The following SYNPR variants were observed in gnomAD, a reference collection of about 807,000 sequenced individuals.
SYNPR encodes synaptoporin.
Under a neutral mutation model 32.9 loss-of-function variants are expected in SYNPR, and 23 were observed. That is an observed-to-expected ratio of 0.70 (90% CI 0.50 to 0.99). SYNPR has a LOEUF of 0.99. Among genes scored for constraint, SYNPR ranks in the 50% least tolerant of loss-of-function variants. The pLI, the probability that SYNPR is intolerant of heterozygous loss-of-function variation, is 0.00. For synonymous variants in SYNPR, 146 were observed against 135.9 expected (o/e 1.07, Z -0.52); for missense variants, 318 against 349.3 (o/e 0.91, Z 0.71).
chr3:63,356,791 T>C (rs1277020405), intron 2 of SYNPR, among the ~76,000 whole-genome samples: 1 of 152,208 alleles, frequency 6.6e-6, no homozygotes, highest in African/African-American at 2.4e-5. Flanking sequence ...TATAGGCAGC[T>C]TTAGAAATGG....
intron 3 of SYNPR, among the ~76,000 whole-genome samples, chr3:63,538,988 T>A (rs1702255694): frequency 6.6e-6 from 1 of 152,190 alleles, no homozygotes; most frequent in African/African-American, 2.4e-5. Context: ...GGAGCCTAGC[T>A]AACTATATTC....
chr3:63,452,143 C>T (rs1443764357), intron 2 of SYNPR: 1 of 701,602 alleles, frequency 1.4e-6, no homozygotes. Flanking sequence ...TTTGCTCACT[C>T]ATTCATTTGT....
Position 63,416,531 on chromosome 3 carries a change from TAAAAAA to T in SYNPR, c.85-64285_85-64280del, listed in dbSNP as rs60383627. ...TTGGTGACGGAGTGAGACTCTGTCT[TAAAAAA>T]AAAAAAAAAAAAAAACCAAAAAAAA... On this transcript the variant is annotated intron_variant, in intron 2 of 5. Coordinates refer to ENST00000478300, the MANE Select transcript of SYNPR (RefSeq NM_001130003.2). 1.6e-3 allele frequency among the ~76,000 whole-genome samples: 165 copies of T among 105,308 alleles called. 1 individual carries two copies. The East Asian group carries it at 0.035, about 22-fold the overall frequency. The allele number at this position is 105,308 out of a possible 152,430, so 69.1% of individuals were successfully genotyped here. A position where few individuals can be genotyped will look rare whatever the true frequency, so the allele number is the denominator to read the frequency against.
At chr3:63,595,729 A>AG (rs1296433085) in intron 4 of SYNPR, among the ~76,000 whole-genome samples, 5 of 24,256 alleles carry the variant, frequency 2.1e-4, no homozygotes, top group Admixed American at 5.9e-4. Flanking sequence ...ATATATATAT[A>AG]TATATATATA....
intron 2 of SYNPR, among the ~76,000 whole-genome samples, chr3:63,377,038 G>T (rs184908984): frequency 6.6e-6 from 1 of 151,850 alleles, no homozygotes; most frequent in Non-Finnish European, 1.5e-5. Context: ...TCAACATCCC[G>T]TTTTTCCCAA....
chr3:63,564,431 G>A (rs1046297783), intron 4 of SYNPR, among the ~76,000 whole-genome samples: 9 of 151,778 alleles, frequency 5.9e-5, no homozygotes, highest in Non-Finnish European at 1.2e-4. Context: ...TCCTGACCTT[G>A]CGATCCACCT....
intron 2 of SYNPR, among the ~76,000 whole-genome samples, chr3:63,372,163 C>G (rs1005228019): frequency 6.6e-6 from 1 of 151,546 alleles, no homozygotes; most frequent in African/African-American, 2.4e-5. Context: ...CTGCTGCCCT[C>G]AGTCTGAGAA....
intron 2 of SYNPR, among the ~76,000 whole-genome samples, chr3:63,301,215 G>A (rs1340027578): frequency 6.6e-6 from 1 of 152,078 alleles, no homozygotes; most frequent in East Asian, 1.9e-4. Context: ...ACCGTTATAA[G>A]TTGGAAAAAT....
intron 4 of SYNPR, among the ~76,000 whole-genome samples, chr3:63,587,702 T>C (rs1250333362): frequency 6.6e-6 from 1 of 152,080 alleles, no homozygotes; most frequent in Non-Finnish European, 1.5e-5. Flanking sequence ...TTATTGATTA[T>C]TGTTTTGTTT....
chr3:63,471,527 G>T (rs757690980), intron 2 of SYNPR, among the ~76,000 whole-genome samples: 1 of 152,120 alleles, frequency 6.6e-6, no homozygotes, highest in Non-Finnish European at 1.5e-5. Context: ...CTAAAAGAAA[G>T]AATTAGACAA....
chr3:63,341,489 T>G (rs574539634), intron 2 of SYNPR, among the ~76,000 whole-genome samples: 1 of 152,366 alleles, frequency 6.6e-6, no homozygotes, highest in South Asian at 2.1e-4. Flanking sequence ...TGACAGTTCC[T>G]ATTACTCCAC....
chr3:63,373,929 G>A (rs1215818580), intron 2 of SYNPR, among the ~76,000 whole-genome samples: 1 of 152,184 alleles, frequency 6.6e-6, no homozygotes, highest in Non-Finnish European at 1.5e-5. Flanking sequence ...CCTATGTTCA[G>A]AATTGATAAA....
chr3:63,218,441 C>T, the SYNPR span, among the ~76,000 whole-genome samples: 2 of 152,322 alleles, frequency 1.3e-5, no homozygotes, highest in African/African-American at 2.4e-5. Flanking sequence ...TGTTCTACTT[C>T]TTTGTGTCCT....
chr3:63,370,384 T>A (rs572709778), intron 2 of SYNPR, among the ~76,000 whole-genome samples: 1 of 152,232 alleles, frequency 6.6e-6, no homozygotes, highest in Non-Finnish European at 1.5e-5. Context: ...TATTTAATCC[T>A]TTCATTGTTT....
At chr3:63,544,066 T>A (rs1250414849) in intron 3 of SYNPR, among the ~76,000 whole-genome samples, 1 of 152,000 alleles carries the variant, frequency 6.6e-6, no homozygotes, top group Non-Finnish European at 1.5e-5. Flanking sequence ...AGGAAACCGT[T>A]GGAGAAGAGC....
At chr3:63,509,226 G>T (rs990595831) in intron 3 of SYNPR, among the ~76,000 whole-genome samples, 2 of 146,412 alleles carry the variant, frequency 1.4e-5, no homozygotes, top group African/African-American at 5.1e-5. Context: ...CATATGTATG[G>T]GTATATCTAT....
At chr3:63,402,183 G>A (rs1048645676) in intron 2 of SYNPR, among the ~76,000 whole-genome samples, 4 of 152,098 alleles carry the variant, frequency 2.6e-5, no homozygotes, top group African/African-American at 9.7e-5. Flanking sequence ...TTTTGGGCTG[G>A]ATAATTCTTC....
At chr3:63,611,268 T>C (rs1332421468) in intron 5 of SYNPR, among the ~76,000 whole-genome samples, 1 of 152,212 alleles carries the variant, frequency 6.6e-6, no homozygotes, top group East Asian at 1.9e-4. Context: ...TACCAAATAA[T>C]TGTTTCTTAG....
rs182283150 is a variant in SYNPR at position 63,417,550 on chromosome 3, C to A, written c.85-63282C>A. On this transcript the variant is annotated intron_variant, in intron 2 of 5. Coordinates refer to ENST00000478300, the MANE Select transcript of SYNPR (RefSeq NM_001130003.2). ...TGTGGGGGCTCCCACCCTACATTTC[C>A]CTTCTGCACTTCCCTAGCAGACTTC... is the stretch of plus-strand genomic sequence containing the variant. Among the ~76,000 whole-genome samples, 4 of 152,360 alleles carry A rather than the reference C, an allele frequency of 2.6e-5. No homozygotes were observed. In the East Asian group the frequency reaches 7.7e-4, roughly 29 times the overall value.
Sources: gnomAD v4.1 joint callset for allele counts (sites outside exome capture counted in the v4.1 genomes callset) on GRCh38, gnomAD v4.1.1 for gene constraint, MANE v1.5 for transcripts, NCBI Gene and HGNC (gene_info 2026-07-23, HGNC 2026-07-21) for gene names.